ADGRV1: variants seen among roughly 807,000 people sequenced by gnomAD.
ADGRV1 encodes the protein adhesion G protein-coupled receptor V1.
In ADGRV1, 359 loss-of-function variants were observed where a neutral mutation model predicts 596.2. That is an observed-to-expected ratio of 0.60 (90% CI 0.55 to 0.66). ADGRV1 has a LOEUF of 0.66. Among genes scored for constraint, ADGRV1 ranks in the 30% least tolerant of loss-of-function variants. The pLI, the probability that ADGRV1 is intolerant of heterozygous loss-of-function variation, is 0.00. For missense variants in ADGRV1, 7,274 were observed against 7,575.6 expected (o/e 0.96, Z 1.48); for synonymous variants, 2,681 against 2,679.2 (o/e 1.00, Z -0.02).
At chr5:90,826,984 G>A (rs1171699446) in intron 76 of ADGRV1, among the ~76,000 whole-genome samples, 1 of 152,106 alleles carries the variant, frequency 6.6e-6, no homozygotes, top group African/African-American at 2.4e-5. Context: ...TTCTATATTA[G>A]TAAAATGTAA....
chr5:90,976,381 C>G (rs1779617472), intron 84 of ADGRV1, among the ~76,000 whole-genome samples: 1 of 139,362 alleles, frequency 7.2e-6, no homozygotes, highest in Non-Finnish European at 1.5e-5. Flanking sequence ...TTTAAGTTTA[C>G]CATGCATGGG....
chr5:90,928,996 T>C (rs1202961714), intron 83 of ADGRV1, among the ~76,000 whole-genome samples: 2 of 149,546 alleles, frequency 1.3e-5, no homozygotes, highest in Non-Finnish European at 3.0e-5. Flanking sequence ...CGTTCTCAGA[T>C]CTCCAGCTGC....
At chr5:90,778,368 AGG>A (rs1758476131) in intron 62 of ADGRV1, 57 bp from the exon 63 acceptor site, 17 of 1,387,982 alleles carry the variant, frequency 1.2e-5, no homozygotes, top group Non-Finnish European at 1.7e-5. Context: ...TTTAGAGGTT[AGG>A]AGTTTTTCTT....
At chr5:90,994,431 A>G (rs530207238) in intron 85 of ADGRV1, among the ~76,000 whole-genome samples, 1 of 151,942 alleles carries the variant, frequency 6.6e-6, no homozygotes, top group African/African-American at 2.4e-5. Flanking sequence ...CTCTTTATTG[A>G]TATTTTCTAT....
chr5:90,728,955 A>C, intron 49 of ADGRV1, 22 bp downstream of exon 49: 1 of 1,499,376 alleles, frequency 6.7e-7, no homozygotes, highest in Admixed American at 1.8e-5. Context: ...AAGTATTTGT[A>C]GTGTATATAT....
At chr5:90,650,417 G>A (rs575892211) in intron 17 of ADGRV1, among the ~76,000 whole-genome samples, 12 of 152,008 alleles carry the variant, frequency 7.9e-5, no homozygotes, top group East Asian at 7.7e-4. Flanking sequence ...TATTGTCAGC[G>A]TTTTCTACAC....
At chr5:90,628,904 C>T in intron 8 of ADGRV1, 72 bp downstream of exon 8, 2 of 1,375,130 alleles carry the variant, frequency 1.5e-6, no homozygotes, top group Non-Finnish European at 2.0e-6. Context: ...TTTGGTCATA[C>T]ACATCAACTT....
intron 83 of ADGRV1, among the ~76,000 whole-genome samples, chr5:90,946,303 G>C (rs1359720850): frequency 1.2e-4 from 18 of 152,122 alleles, no homozygotes; most frequent in Non-Finnish European, 1.6e-4. Context: ...GGCATTGCAA[G>C]ATCATGGTAA....
chr5:91,070,881 CTG>C (rs1368543281), intron 85 of ADGRV1, among the ~76,000 whole-genome samples: 1 of 152,102 alleles, frequency 6.6e-6, no homozygotes, highest in Non-Finnish European at 1.5e-5. Flanking sequence ...AATAAGAAAA[CTG>C]TCAGTCATTC....
At chr5:91,132,833 A>T (rs1432183669) in intron 87 of ADGRV1, among the ~76,000 whole-genome samples, 2 of 152,196 alleles carry the variant, frequency 1.3e-5, no homozygotes, top group Admixed American at 1.3e-4. Context: ...TGAGGTGGAG[A>T]CTGGAAATCA....
In ADGRV1 at chr5:90,778,938, C is replaced by T. The variant is rs758499966; in HGVS notation, c.12923C>T (p.Thr4308Ile). ...CTCTGGTACAAGACGATGAGCGGGA[C>T]AGCGGAAGCAGGCTTGGATTTTGTT... is the stretch of plus-strand genomic sequence containing the variant. ...VRLWYKTMSG[T>I]AEAGLDFVPA... is the part of the protein sequence containing the mutation. Residue 4308 changes from threonine to isoleucine, a missense_variant, in exon 64 of 90, where the codon ACA (threonine) becomes ATA (isoleucine). Around this residue, in one of 5 missense-constraint regions of ADGRV1, gnomAD observed 3,643 missense variants for 3,809.2 expected, o/e 0.96. Transcript: ENST00000405460. 3 of 1,613,518 alleles carry T rather than the reference C, an allele frequency of 1.9e-6. No individual in the cohort carries two copies. The highest frequency in any genetic ancestry group is 4.5e-5 in the East Asian group (2 of 44,868).
chr5:90,729,128 G>A (rs1441533649), intron 49 of ADGRV1, among the ~76,000 whole-genome samples, 195 bp downstream of exon 49: 5 of 152,104 alleles, frequency 3.3e-5, no homozygotes, highest in African/African-American at 1.2e-4. Context: ...CTAATCTTGT[G>A]TTCTGACTAC....
rs559210148 is a variant in ADGRV1 at position 90,868,485 on chromosome 5, C to G, written c.17856+4628C>G. ...GAACAAGGCCTTTATTCTGGTCATT[C>G]TCATAGCATTTGACAATTTGTAAAA... is the stretch of plus-strand genomic sequence containing the variant. On this transcript the variant is annotated intron_variant, in intron 83 of 89. Transcript: ENST00000405460. Among the ~76,000 whole-genome samples the G allele has an allele frequency of 3.9e-5, 6 of 151,974 alleles. 1 individual carries two copies. In the South Asian group the frequency reaches 1.2e-3, roughly 32 times the overall value.
At chr5:90,861,500 A>G (rs576891585) in intron 82 of ADGRV1, among the ~76,000 whole-genome samples, 80 of 151,056 alleles carry the variant, frequency 5.3e-4, no homozygotes, top group Middle Eastern at 3.4e-3. Flanking sequence ...TAGTAGAGAC[A>G]GGGTTTCACC....
At chr5:90,969,966 C>T (rs1778808388) in intron 84 of ADGRV1, among the ~76,000 whole-genome samples, 1 of 152,244 alleles carries the variant, frequency 6.6e-6, no homozygotes, top group Non-Finnish European at 1.5e-5. Context: ...AGGGAATTCC[C>T]TTTCCTAGCC....
chr5:90,904,886 T>G (rs1772173136), intron 83 of ADGRV1, among the ~76,000 whole-genome samples: 1 of 146,370 alleles, frequency 6.8e-6, no homozygotes, highest in Non-Finnish European at 1.5e-5. Context: ...GTTTAAGTCT[T>G]TAATCCATTT....
chr5:90,763,546 C>T, intron 59 of ADGRV1, 77 bp downstream of exon 59: 1 of 1,425,726 alleles, frequency 7.0e-7, no homozygotes, highest in South Asian at 1.2e-5. Context: ...ATTGTAAATT[C>T]AGGGAGCACA....
chr5:90,637,900 G>T lies in ADGRV1; in HGVS notation c.2192G>T (p.Gly731Val), dbSNP rs574765960. 2 of 1,613,546 alleles carry T rather than the reference G, an allele frequency of 1.2e-6. No individual in the cohort carries two copies. The highest frequency in any genetic ancestry group is 1.3e-5 in the African/African-American group (1 of 75,020). The change falls in exon 11 of 90, where the codon GGT becomes GTT. Residue 731 changes from glycine to valine, a missense_variant. Physicochemically the swap from Gly to Val is moderately radical, Grantham distance 109. Coordinates refer to ENST00000405460, the MANE Select transcript of ADGRV1 (RefSeq NM_032119.4). Reference sequence around the variant, plus strand: ...ACAACAATCAACATTACTATCAAAGGTGATGACATACCGGAAATGAATGAA... The same window carrying T: ...ACAACAATCAACATTACTATCAAAGTTGATGACATACCGGAAATGAATGAA... ...SDTTINITIK[G>V]DDIPEMNETV...
chr5:91,017,348 C>CA lies in ADGRV1; in HGVS notation c.18152+31836dup, dbSNP rs373459047. 3.0e-3 allele frequency among the ~76,000 whole-genome samples: 439 copies of CA among 147,354 alleles called. 5 individuals carry two copies. Among genetic ancestry groups the CA allele is most frequent in the South Asian group, 0.021 (98 of 4,644 alleles). ...CAAAATGAAAGTATAAAATAAGCAC[C>CA]AAAAAAAAAATGATAAATTTTCCAT... On this transcript the variant is annotated intron_variant, in intron 85 of 89. Coordinates refer to ENST00000405460, the MANE Select transcript of ADGRV1 (RefSeq NM_032119.4).
Sources: allele counts gnomAD v4.1 joint callset (sites outside exome capture counted in the v4.1 genomes callset), GRCh38; gene constraint gnomAD v4.1.1; regional missense constraint gnomAD v4.1.1; transcripts MANE v1.5; gene names NCBI Gene and HGNC (gene_info 2026-07-23, HGNC 2026-07-21).